IL33: variants seen among roughly 807,000 people sequenced by gnomAD.
The protein encoded by IL33 is interleukin-33.
Under a neutral mutation model 27.3 loss-of-function variants are expected in IL33, and 37 were observed. The ratio of observed to expected loss-of-function variants is 1.36; its 90% CI spans 1.04 to 1.78. The LOEUF is 1.78. Ranked by LOEUF, IL33 falls within the 40% of genes most tolerant of loss-of-function variation. The pLI is 0.00. For synonymous variants in IL33, 132 were observed against 102.9 expected (o/e 1.28, Z -1.71); for missense variants, 406 against 311.4 (o/e 1.30, Z -2.29).
intron 1 of IL33, among the ~76,000 whole-genome samples, chr9:6,227,128 A>T (rs1818671812): frequency 6.6e-6 from 1 of 152,232 alleles, no homozygotes; most frequent in Admixed American, 6.5e-5. Flanking sequence ...GTTGAGACAG[A>T]CAAGGTTTCT....
chr9:6,253,411 C>T, intron 5 of IL33, 141 bp from the exon 6 acceptor site: 1 of 557,104 alleles, frequency 1.8e-6, no homozygotes, highest in East Asian at 2.9e-5. Flanking sequence ...ATTTTTGAGA[C>T]CTTTCTCAAA....
intron 1 of IL33, among the ~76,000 whole-genome samples, chr9:6,223,521 C>T (rs1468951069): frequency 1.3e-5 from 2 of 151,624 alleles, no homozygotes; most frequent in Non-Finnish European, 2.9e-5. Flanking sequence ...ATTTTTAGCA[C>T]AGGAATTTAC....
intron 7 of IL33, 21 bp from the exon 8 acceptor site, chr9:6,255,947 C>A: frequency 1.2e-6 from 2 of 1,605,838 alleles, no homozygotes; most frequent in Non-Finnish European, 1.7e-6. Flanking sequence ...ATATGGATTG[C>A]TTTCTCTCTT....
chr9:6,215,947 A>G (rs1177037912), intron 1 of IL33, 95 bp downstream of exon 1: 1 of 152,068 alleles, frequency 6.6e-6, no homozygotes, highest in Non-Finnish European at 1.5e-5. Flanking sequence ...TTTCCTGAAA[A>G]ATAAATGATA....
In IL33 at chr9:6,257,793, T is replaced by C. The variant is rs935812052; in HGVS notation, c.*1625T>C. 6.6e-6 allele frequency: 1 copy of C among 152,180 alleles called. No individual in the cohort carries two copies. Among genetic ancestry groups the C allele is most frequent in the Non-Finnish European group, 1.5e-5 (1 of 68,020 alleles). The allele number at this position is 152,180 out of a possible 1,614,324, so 9.4% of individuals were successfully genotyped here. A position where few individuals can be genotyped will look rare whatever the true frequency, so the allele number is the denominator to read the frequency against. ...TATTACAACTGTAAAACAATTTATC[T>C]TTGTTTCATTGTTCTGTCAATAATT... On this transcript the variant is annotated 3_prime_UTR_variant, in exon 8 of 8. Coordinates refer to ENST00000682010, the MANE Select transcript of IL33 (RefSeq NM_033439.4).
intron 1 of IL33, among the ~76,000 whole-genome samples, chr9:6,239,186 T>G (rs1819393533): frequency 6.6e-6 from 1 of 152,204 alleles, no homozygotes; most frequent in Non-Finnish European, 1.5e-5. Flanking sequence ...GCCTTCTGTG[T>G]AATCAGCAAA....
In IL33 at chr9:6,235,102, G is replaced by A. The variant is rs533916459; in HGVS notation, c.-11-6582G>A. Reference sequence around the variant, plus strand: ...TCTGTGGTCCAGACTGGAGTATAGTGCTATCAGAGCTTACTACAACTTTAA... The same window carrying A: ...TCTGTGGTCCAGACTGGAGTATAGTACTATCAGAGCTTACTACAACTTTAA... On this transcript the variant is annotated intron_variant, in intron 1 of 7. Coordinates refer to ENST00000682010, the MANE Select transcript of IL33 (RefSeq NM_033439.4). Among the ~76,000 whole-genome samples the A allele has an allele frequency of 3.9e-5, 6 of 152,262 alleles. No individual in the cohort carries two copies. In the East Asian group the frequency reaches 1.2e-3, roughly 29 times the overall value.
In IL33 at chr9:6,252,860, C is replaced by G. The variant is rs771697792; in HGVS notation, c.344-6C>G. 2 of 1,595,222 alleles carry G rather than the reference C, an allele frequency of 1.3e-6. No homozygotes were observed. The highest frequency in any genetic ancestry group is 2.3e-5 in the South Asian group (2 of 86,742). ...GCCTGACAAATTTTTGAATTCTTAACAACAGGAATTTCACCTATTACAGAG... is the reference window on the plus strand; with the variant it reads ...GCCTGACAAATTTTTGAATTCTTAAGAACAGGAATTTCACCTATTACAGAG... On this transcript the variant is annotated splice_region_variant and splice_polypyrimidine_tract_variant and intron_variant, in intron 4 of 7. Coordinates refer to ENST00000682010, the MANE Select transcript of IL33 (RefSeq NM_033439.4).
At chr9:6,237,218 T>C (rs1819271563) in intron 1 of IL33, among the ~76,000 whole-genome samples, 1 of 152,336 alleles carries the variant, frequency 6.6e-6, no homozygotes, top group Non-Finnish European at 1.5e-5. Context: ...ACAAGTGATG[T>C]TCCTATTGCC....
chr9:6,249,748 T>A (rs1218254835), intron 2 of IL33, among the ~76,000 whole-genome samples: 1 of 152,210 alleles, frequency 6.6e-6, no homozygotes, highest in African/African-American at 2.4e-5. Context: ...GCAAGTGTCA[T>A]GACTCCTGAG....
At chr9:6,237,034 C>T (rs576574326) in intron 1 of IL33, among the ~76,000 whole-genome samples, 7 of 152,094 alleles carry the variant, frequency 4.6e-5, no homozygotes, top group Non-Finnish European at 1.0e-4. Context: ...TTGCTTAATC[C>T]ATGTGTGTGT....
At chr9:6,246,342 T>C (rs1819856243) in intron 2 of IL33, among the ~76,000 whole-genome samples, 1 of 152,010 alleles carries the variant, frequency 6.6e-6, no homozygotes, top group African/African-American at 2.4e-5. Flanking sequence ...GGTGGGTGGA[T>C]CACGAGGTCA....
At chr9:6,215,474 G>A (rs1818095808), upstream of IL33, among the ~76,000 whole-genome samples, 2 of 152,198 alleles carry the variant, frequency 1.3e-5, no homozygotes, top group Non-Finnish European at 1.5e-5. Flanking sequence ...TGTAAATTAA[G>A]AAGCCAACGG....
chr9:6,254,738 G>A (rs150599805), intron 7 of IL33, among the ~76,000 whole-genome samples, 185 bp downstream of exon 7: 1 of 152,116 alleles, frequency 6.6e-6, no homozygotes, highest in Non-Finnish European at 1.5e-5. Context: ...AGGGAGGAAA[G>A]TGGCATGTAT....
At chr9:6,252,708 C>T (rs981227588) in intron 4 of IL33, among the ~76,000 whole-genome samples, 158 bp from the exon 5 acceptor site, 2 of 152,182 alleles carry the variant, frequency 1.3e-5, no homozygotes, top group East Asian at 3.8e-4. Context: ...CACATCTCAG[C>T]CTTTTAGCTA....
At chr9:6,220,133 T>G (rs573625798) in intron 1 of IL33, among the ~76,000 whole-genome samples, 1 of 152,290 alleles carries the variant, frequency 6.6e-6, no homozygotes, top group South Asian at 2.1e-4. Context: ...ATTGTTCTCT[T>G]CTGTAACTTT....
Position 6,241,817 on chromosome 9 carries a change from C to G in IL33, c.91+32C>G, listed in dbSNP as rs111612090. 23 of 1,437,338 alleles carry G rather than the reference C, an allele frequency of 1.6e-5. No individual in the cohort carries two copies. The African/African-American group carries it at 1.8e-4, about 12-fold the overall frequency. 89.0% of individuals were successfully genotyped at this position (1,437,338 alleles called of 1,614,324 possible). A position where few individuals can be genotyped will look rare whatever the true frequency, so the allele number is the denominator to read the frequency against. Reference sequence around the variant, plus strand: ...ACTTAAGTTATCTCTGAATGTTTTACGCACTATTTTTATCTGTTATCAAAT... The same window carrying G: ...ACTTAAGTTATCTCTGAATGTTTTAGGCACTATTTTTATCTGTTATCAAAT... On this transcript the variant is annotated intron_variant, in intron 2 of 7. Coordinates refer to ENST00000682010, the MANE Select transcript of IL33 (RefSeq NM_033439.4).
At chr9:6,220,811 T>C (rs1030222531) in intron 1 of IL33, among the ~76,000 whole-genome samples, 2 of 152,162 alleles carry the variant, frequency 1.3e-5, no homozygotes, top group Non-Finnish European at 2.9e-5. Flanking sequence ...TGGAGAGCAG[T>C]AGCTCGATCA....
chr9:6,249,484 G>C (rs1387006814), intron 2 of IL33, among the ~76,000 whole-genome samples: 1 of 152,102 alleles, frequency 6.6e-6, no homozygotes, highest in Non-Finnish European at 1.5e-5. Flanking sequence ...GATTCTGAAA[G>C]ACTTTTTATG....
Sources: allele counts gnomAD v4.1 joint callset (sites outside exome capture counted in the v4.1 genomes callset), GRCh38; gene constraint gnomAD v4.1.1; transcripts MANE v1.5; gene names NCBI Gene and HGNC (gene_info 2026-07-23, HGNC 2026-07-21).